ASMT: variants seen among roughly 807,000 people sequenced by gnomAD.
ASMT encodes acetylserotonin O-methyltransferase, also known as acetylserotonin N-methyltransferase.
Under a neutral mutation model 41.3 loss-of-function variants are expected in ASMT, and 53 were observed. That is an observed-to-expected ratio of 1.28 (90% CI 1.03 to 1.61). ASMT has a LOEUF of 1.61. ASMT is among the 40% of genes most tolerant of loss of function. The pLI, the probability that ASMT is intolerant of heterozygous loss-of-function variation, is 0.00. For missense variants in ASMT, 531 were observed against 441.3 expected (o/e 1.20, Z -1.82); for synonymous variants, 231 against 184.8 (o/e 1.25, Z -2.03).
intron 1 of ASMT, among the ~76,000 whole-genome samples, chrX:1,616,507 T>C (rs1433271498): frequency 6.6e-6 from 1 of 151,312 alleles, no homozygotes; most frequent in Non-Finnish European, 1.5e-5. Context: ...GCAAATGTTC[T>C]GGAACCCGGC....
chrX:1,621,194 G>A (rs752459869), intron 1 of ASMT, among the ~76,000 whole-genome samples: 3 of 152,328 alleles, frequency 2.0e-5, no homozygotes, highest in South Asian at 2.1e-4. Flanking sequence ...TGGAAGACAC[G>A]TGGCCTGAAG....
At position 1,627,781 on chromosome X, in the gene ASMT, A is replaced by G. The variant is rs751659443; in HGVS notation, c.443+10A>G. On this transcript the variant is annotated intron_variant, in intron 4 of 8. Transcript: ENST00000381241. ...TTACGGCCATCTACAGGTAACACCC[A>G]TCACTTTGAAACCAACAACTCAGAT... is the stretch of plus-strand genomic sequence containing the variant. 7.4e-6 allele frequency: 12 copies of G among 1,612,914 alleles called. 1 individual carries two copies. The South Asian group carries it at 9.9e-5, about 13-fold the overall frequency.
Position 1,629,930 on chromosome X carries a change from G to A in ASMT, c.553G>A (p.Asp185Asn). Residue 185 changes from aspartate to asparagine, a missense_variant, in exon 5 of 9, where the codon GAC (aspartate) becomes AAC (asparagine). Coordinates refer to ENST00000381241, the MANE Select transcript of ASMT (RefSeq NM_001171038.2). ...FDLSVFPLMC[D>N]LGGTWIKLET... ...CCTGTCAGTGTTCCCACTTATGTGT[G>A]ACCTTGGTGGTAAGTACCCCTCACC... is the stretch of plus-strand genomic sequence containing the variant. The A allele has an allele frequency of 6.2e-7, 1 of 1,613,846 alleles. No homozygotes were observed.
At chrX:1,623,349 A>G (rs1428488051) in intron 2 of ASMT, 36 bp downstream of exon 2, 3 of 1,612,614 alleles carry the variant, frequency 1.9e-6, no homozygotes, top group Non-Finnish European at 2.5e-6. Context: ...GGCATTTTAC[A>G]TAGACACCCT....
chrX:1,636,174 G>T (rs1487648784), intron 7 of ASMT: 2 of 501,414 alleles, frequency 4.0e-6, no homozygotes, highest in Non-Finnish European at 7.5e-6. Flanking sequence ...AGCCAGGATG[G>T]TCTTGATCTC....
At chrX:1,627,326 C>A (rs7472096) in intron 3 of ASMT, among the ~76,000 whole-genome samples, 70,445 of 135,708 alleles carry the variant, frequency 0.52, 16,027 homozygotes, top group Admixed American at 0.56. Flanking sequence ...ACTCCATCTC[C>A]TAAAATAAAA....
At chrX:1,625,363 G>A (rs1248377862) in intron 3 of ASMT, among the ~76,000 whole-genome samples, 2 of 151,426 alleles carry the variant, frequency 1.3e-5, no homozygotes, top group Admixed American at 1.3e-4. Context: ...CTACATGGTG[G>A]CAGGCACCTG....
At chrX:1,627,132 C>G (rs1387507922) in intron 3 of ASMT, among the ~76,000 whole-genome samples, 2 of 148,568 alleles carry the variant, frequency 1.3e-5, no homozygotes, top group Admixed American at 1.4e-4. Flanking sequence ...CGAGACCAGC[C>G]TGACCAACAT....
chrX:1,624,536 C>G, intron 3 of ASMT, 138 bp downstream of exon 3: 1 of 1,377,318 alleles, frequency 7.3e-7, no homozygotes, highest in Non-Finnish European at 9.5e-7. Context: ...GGGGCTGACC[C>G]CAGGCAGATG....
chrX:1,623,095 C>T (rs1383542422), intron 1 of ASMT, 44 bp from the exon 2 acceptor site: 3 of 1,609,760 alleles, frequency 1.9e-6, no homozygotes, highest in East Asian at 4.5e-5. Flanking sequence ...CTGTGGTTCC[C>T]AGGAGGCTGA....
At chrX:1,632,964 A>C (rs1361037542) in intron 6 of ASMT, 177 bp downstream of exon 6, 1 of 178,248 alleles carries the variant, frequency 5.6e-6, no homozygotes, top group Non-Finnish European at 1.1e-5. Flanking sequence ...TACCTATGTA[A>C]CAAAACCGCA....
chrX:1,627,489 C>G (rs185232448), intron 3 of ASMT, among the ~76,000 whole-genome samples: 1 of 151,580 alleles, frequency 6.6e-6, no homozygotes, highest in Non-Finnish European at 1.5e-5. Context: ...GGCGTGGTGG[C>G]GGGCGCCTAT....
chrX:1,618,321 G>A (rs766492363), intron 1 of ASMT, among the ~76,000 whole-genome samples: 9 of 152,068 alleles, frequency 5.9e-5, no homozygotes, highest in East Asian at 5.8e-4. Context: ...CCACCACCAC[G>A]CCCGGCTAAT....
At chrX:1,616,816 C>G (rs1465274221) in intron 1 of ASMT, among the ~76,000 whole-genome samples, 1 of 151,402 alleles carries the variant, frequency 6.6e-6, no homozygotes, top group Non-Finnish European at 1.5e-5. Flanking sequence ...TCACGCCATT[C>G]TCCTGCCTCA....
At chrX:1,616,749 C>T (rs1190345998) in intron 1 of ASMT, among the ~76,000 whole-genome samples, 1 of 150,084 alleles carries the variant, frequency 6.7e-6, no homozygotes, top group African/African-American at 2.4e-5. Flanking sequence ...CGCTCTGTCG[C>T]CCAGGCTGGA....
Position 1,636,502 on chromosome X carries a change from C to G in ASMT, c.852C>G (p.Asp284Glu), listed in dbSNP as rs1156828211. Residue 284 changes from aspartate (D) to glutamate (E), a missense_variant, in exon 8 of 9, where the codon GAC (aspartate) becomes GAG (glutamate). Physicochemically the swap from Asp to Glu is conservative, Grantham distance 45. Transcript: ENST00000381241. Reference protein sequence around the residue: ...DLYILARVLHDWADGKCSHLL... With the variant: ...DLYILARVLHEWADGKCSHLL... ...ACATCCTGGCCAGGGTCCTCCATGA[C>G]TGGGCAGACGGAAAGTGCTCACACC... 6 of 1,613,952 alleles carry G rather than the reference C, an allele frequency of 3.7e-6. No homozygotes were observed. The South Asian group carries it at 4.4e-5, about 12-fold the overall frequency.
In ASMT at chrX:1,623,588, G is replaced by C. The variant is rs139930541; in HGVS notation, c.244+275G>C. On this transcript the variant is annotated intron_variant, in intron 2 of 8. Transcript: ENST00000381241. ...CACTCCAGTCTGGGCGACAGAGCGAGACTCCATCTGTATTTGCAGGTTTGG... is the reference window on the plus strand; with the variant it reads ...CACTCCAGTCTGGGCGACAGAGCGACACTCCATCTGTATTTGCAGGTTTGG... Among the ~76,000 whole-genome samples, 300 of 152,236 alleles carry C rather than the reference G, an allele frequency of 2.0e-3. 3 individuals are homozygous for C. In the East Asian group the frequency reaches 0.026, roughly 13 times the overall value.
Position 1,642,258 on chromosome X carries a change from A to G in ASMT, c.911-545A>G, listed in dbSNP as rs759160505. Among the ~76,000 whole-genome samples, 282 of 145,608 alleles carry G rather than the reference A, an allele frequency of 1.9e-3. 1 individual carries two copies. The highest frequency in any genetic ancestry group is 3.9e-3 in the Middle Eastern group (1 of 254). ...TGATGGTTCATGAGGACTTGGGCAC[A>G]GCCTCTGTGTGTGTGATGGGGACAG... On this transcript the variant is annotated intron_variant, in intron 8 of 8. Transcript: ENST00000381241.
At chrX:1,640,597 G>A (rs1425926774) in intron 8 of ASMT, among the ~76,000 whole-genome samples, 2 of 36,220 alleles carry the variant, frequency 5.5e-5, no homozygotes, top group South Asian at 1.2e-3. Flanking sequence ...ACATGAGGAT[G>A]TGGGCACAGC....
Sources: allele counts gnomAD v4.1 joint callset (sites outside exome capture counted in the v4.1 genomes callset), GRCh38; gene constraint gnomAD v4.1.1; transcripts MANE v1.5; gene names NCBI Gene and HGNC (gene_info 2026-07-23, HGNC 2026-07-21).